The following AFF2 variants were observed in gnomAD, a reference collection of about 807,000 sequenced individuals.
AFF2 encodes the protein ALF transcription elongation factor 2.
Under a neutral mutation model 76.9 loss-of-function variants are expected in AFF2, and 14 were observed. The ratio of observed to expected loss-of-function variants is 0.18; its 90% CI spans 0.12 to 0.28. AFF2 has a LOEUF of 0.28. AFF2 is among the 10% of genes least tolerant of loss of function. AFF2 has a pLI of 1.00. For missense variants in AFF2, 868 were observed against 1,001.1 expected (o/e 0.87, Z 1.79); for synonymous variants, 398 against 366.7 (o/e 1.09, Z -0.98).
intron 1 of AFF2, among the ~76,000 whole-genome samples, chrX:148,642,415 T>A (rs1284511795): frequency 2.7e-5 from 3 of 112,756 alleles, no homozygotes; most frequent in Non-Finnish European, 5.6e-5. Flanking sequence ...GAAATTGCCT[T>A]GCTTATAGCT....
chrX:148,984,170 T>C (rs1557291174), intron 19 of AFF2, among the ~76,000 whole-genome samples: 1 of 109,631 alleles, frequency 9.1e-6, no homozygotes, highest in Non-Finnish European at 1.9e-5. Context: ...GAGAAAGCCA[T>C]GGCAATGCTG....
At chrX:148,555,140 C>T (rs2053038259) in intron 1 of AFF2, among the ~76,000 whole-genome samples, 1 of 111,965 alleles carries the variant, frequency 8.9e-6, no homozygotes, top group African/African-American at 3.2e-5. Context: ...TCATCTGGCT[C>T]CCAAGGTTCA....
intron 1 of AFF2, among the ~76,000 whole-genome samples, chrX:148,501,524 C>T (rs900103528): frequency 8.8e-6 from 1 of 113,487 alleles, no homozygotes; most frequent in Non-Finnish European, 1.9e-5. Flanking sequence ...AATGTCTCAA[C>T]TTTCCAGGTG....
At chrX:148,630,976 C>A (rs1174641359) in intron 1 of AFF2, among the ~76,000 whole-genome samples, 2 of 112,324 alleles carry the variant, frequency 1.8e-5, no homozygotes, top group Non-Finnish European at 1.9e-5. Context: ...TTCTTCCTCT[C>A]CACCTGTCAT....
intron 1 of AFF2, among the ~76,000 whole-genome samples, chrX:148,539,024 T>A (rs1412380385): frequency 1.8e-5 from 2 of 111,759 alleles, no homozygotes; most frequent in Non-Finnish European, 3.8e-5. Flanking sequence ...TATTTATGGC[T>A]AGACCCAGAT....
At chrX:148,855,315 A>G (rs73607996) in intron 7 of AFF2, among the ~76,000 whole-genome samples, 1,496 of 111,664 alleles carry the variant, frequency 0.013, 18 homozygotes, top group African/African-American at 0.046. Context: ...AAAGCCCAAC[A>G]AAGACATATC....
At chrX:148,613,304 T>C (rs1557249753) in intron 1 of AFF2, among the ~76,000 whole-genome samples, 1 of 111,912 alleles carries the variant, frequency 8.9e-6, no homozygotes, top group Non-Finnish European at 1.9e-5. Flanking sequence ...TGGATCCGTC[T>C]TTATGCACTT....
intron 3 of AFF2, among the ~76,000 whole-genome samples, chrX:148,663,408 G>A (rs1320912905): frequency 1.8e-5 from 2 of 112,047 alleles, no homozygotes; most frequent in Admixed American, 9.5e-5. Context: ...AAAGCAAAAA[G>A]CATTACGAGC....
At chrX:148,503,891 G>A (rs1396119032) in intron 1 of AFF2, among the ~76,000 whole-genome samples, 22 of 111,924 alleles carry the variant, frequency 2.0e-4, no homozygotes, top group Non-Finnish European at 3.8e-5. Context: ...CAAAGCTCAA[G>A]TTCTTTAAGA....
chrX:148,979,855 GCTGA>G (rs1286852442), intron 18 of AFF2, among the ~76,000 whole-genome samples: 3 of 112,284 alleles, frequency 2.7e-5, no homozygotes, highest in Admixed American at 9.4e-5. Context: ...TCCCGAAAAT[GCTGA>G]CTCTTTCCCT....
intron 3 of AFF2, among the ~76,000 whole-genome samples, chrX:148,688,006 G>T (rs1383846456): frequency 1.8e-5 from 2 of 110,598 alleles, no homozygotes; most frequent in Non-Finnish European, 3.8e-5. Context: ...TACTATCTAT[G>T]CCAGAAGCCT....
intron 12 of AFF2, among the ~76,000 whole-genome samples, chrX:148,961,946 T>G (rs1441866125): frequency 8.9e-6 from 1 of 112,789 alleles, no homozygotes; most frequent in Non-Finnish European, 1.9e-5. Flanking sequence ...TTTCAGTTGT[T>G]CTGTTTCATT....
chrX:148,509,801 G>A (rs782621661), intron 1 of AFF2, among the ~76,000 whole-genome samples: 3 of 112,060 alleles, frequency 2.7e-5, no homozygotes, highest in East Asian at 2.8e-4. Flanking sequence ...TGGTGCCTTC[G>A]TACTGTGTGA....
At chrX:148,810,685 G>A (rs2070192265) in intron 4 of AFF2, among the ~76,000 whole-genome samples, 1 of 111,842 alleles carries the variant, frequency 8.9e-6, no homozygotes, top group Non-Finnish European at 1.9e-5. Context: ...TTCCTCGTCT[G>A]TAAAAGAGGA....
chrX:148,849,463 AT>A (rs3216392), intron 7 of AFF2, among the ~76,000 whole-genome samples: 56 of 79,075 alleles, frequency 7.1e-4, no homozygotes, highest in African/African-American at 2.0e-3. Context: ...ACTAGATTTC[AT>A]TTTTTTTTTC....
At chrX:148,840,759 G>A (rs782661750) in intron 5 of AFF2, among the ~76,000 whole-genome samples, 1 of 112,168 alleles carries the variant, frequency 8.9e-6, no homozygotes, top group South Asian at 3.7e-4. Context: ...TCCAACTGGG[G>A]CTGGATATGT....
At chrX:148,501,805 A>C (rs911624695) in intron 1 of AFF2, among the ~76,000 whole-genome samples, 1 of 112,886 alleles carries the variant, frequency 8.9e-6, no homozygotes. Flanking sequence ...TGGCCCCCCA[A>C]ATCCGCAGCT....
chrX:148,545,651 G>A (rs183884377), intron 1 of AFF2, among the ~76,000 whole-genome samples: 2 of 110,798 alleles, frequency 1.8e-5, no homozygotes, highest in Admixed American at 1.9e-4. Context: ...CCTCAAAAGT[G>A]TGCATATTTT....
chrX:148,751,063 AC>A (rs1216053121), intron 3 of AFF2, among the ~76,000 whole-genome samples: 1 of 112,339 alleles, frequency 8.9e-6, no homozygotes, highest in African/African-American at 3.2e-5. Flanking sequence ...AACAATTTAT[AC>A]TTATTTCCAA....
Sources: allele counts gnomAD v4.1 joint callset (sites outside exome capture counted in the v4.1 genomes callset), GRCh38; gene constraint gnomAD v4.1.1; transcripts MANE v1.5; gene names NCBI Gene and HGNC (gene_info 2026-07-23, HGNC 2026-07-21).